The following SLC7A9 variants were observed in gnomAD, a reference collection of about 807,000 sequenced individuals.
SLC7A9 encodes the protein B(0,+)-type amino acid transporter 1.
A neutral mutation model predicts 54.1 loss-of-function variants in SLC7A9; 38 were observed. The observed-to-expected ratio is 0.70, with a 90% CI of 0.54 to 0.92. The LOEUF (loss-of-function observed/expected upper bound fraction) is 0.92. Ranked by LOEUF, SLC7A9 falls within the 40% of genes least tolerant of loss-of-function variation. The pLI is 0.00. For missense variants in SLC7A9, 537 were observed against 636.1 expected, an observed-to-expected ratio of 0.84 and a Z score of 1.68; for synonymous variants, 264 against 258.9, an observed-to-expected ratio of 1.02 and a Z score of -0.19.
At position 32,859,914 on chromosome 19, in the gene SLC7A9, T is replaced by C. The variant is rs767195412; in HGVS notation, c.800A>G (p.Tyr267Cys). 6.2e-7 allele frequency: 1 copy of C among 1,614,142 alleles called. No homozygotes were observed. Residue 267 changes from tyrosine to cysteine, a missense_variant, in exon 8 of 13, where the codon TAC (tyrosine) becomes TGC (cysteine). Physicochemically the swap from Tyr to Cys is radical, Grantham distance 194 (BLOSUM62 -2). Coordinates refer to ENST00000023064, the MANE Select transcript of SLC7A9 (RefSeq NM_014270.5). The stretch of plus-strand genomic sequence containing the variant: ...GAAGTAGGACACGTTCATGAGGATG[T>C]AGCACGCCGTCACCAGGGGGATCCC... ...IIGIPLVTAC[Y>C]ILMNVSYFTV... is the part of the protein sequence containing the mutation.
chr19:32,856,970 G>A (rs543547739), intron 9 of SLC7A9, among the ~76,000 whole-genome samples: 5 of 152,198 alleles, frequency 3.3e-5, no homozygotes, highest in South Asian at 4.1e-4. Flanking sequence ...GGCCAAGATG[G>A]TGAAACTCCG....
Position 32,868,454 on chromosome 19 carries a change from T to C in SLC7A9, c.81A>G (p.Gln27=). Reference sequence around the variant, plus strand: ...CCACCAGAGACCGCCTTACCTCCTTTTGGAGACTGGTGGTCTTAGGCTCTT... The same window carrying C: ...CCACCAGAGACCGCCTTACCTCCTTCTGGAGACTGGTGGTCTTAGGCTCTT... ...QSQEPKTTSL[Q]KELGLISGIS... Residue 27 remains glutamine (Q), a synonymous_variant, in exon 2 of 13, where the codon CAA becomes CAG. Coordinates refer to ENST00000023064, the MANE Select transcript of SLC7A9 (RefSeq NM_014270.5). The C allele has an allele frequency of 6.2e-7, 1 of 1,613,718 alleles. No homozygotes were observed. Among genetic ancestry groups the C allele is most frequent in the Non-Finnish European group, 8.5e-7 (1 of 1,179,720 alleles).
In SLC7A9 at chr19:32,842,202, C is replaced by G; in HGVS notation, c.1190G>C (p.Arg397Thr). 6.2e-7 allele frequency: 1 copy of G among 1,614,160 alleles called. No individual in the cohort carries two copies. The highest frequency in any genetic ancestry group is 8.5e-7 in the Non-Finnish European group (1 of 1,180,040). ...GLTILGLIVM[R>T]FTRKELERPI... ...CCTTTCCAGCTCTTTCCTTGTAAAT[C>G]TCATCACGATGAGTCCTAGAATCGT... is the stretch of plus-strand genomic sequence containing the variant. Residue 397 changes from arginine to threonine, a missense_variant, in exon 11 of 13, where the codon AGA becomes ACA. Arg to Thr is a moderately conservative substitution (Grantham distance 71). Transcript: ENST00000023064.
intron 9 of SLC7A9, among the ~76,000 whole-genome samples, chr19:32,852,131 C>T (rs984156250): frequency 6.6e-6 from 1 of 151,862 alleles, no homozygotes; most frequent in African/African-American, 2.4e-5. Flanking sequence ...ATGTAACAAA[C>T]CTGCACATTG....
intron 11 of SLC7A9, among the ~76,000 whole-genome samples, chr19:32,841,859 G>A (rs934954930): frequency 2.6e-5 from 4 of 152,126 alleles, no homozygotes; most frequent in Admixed American, 2.6e-4. Flanking sequence ...GTGAGCCAAG[G>A]ATGCGCCACT....
intron 2 of SLC7A9, 132 bp downstream of exon 2, chr19:32,868,316 G>T: frequency 1.0e-5 from 7 of 674,330 alleles, no homozygotes; most frequent in Non-Finnish European, 1.9e-5. Flanking sequence ...CTTTAAAGAT[G>T]TACTTCACAA....
chr19:32,858,484 A>C lies in SLC7A9; in HGVS notation c.933T>G (p.Phe311Leu). 1.2e-6 allele frequency: 2 copies of C among 1,613,696 alleles called. No homozygotes were observed. Among genetic ancestry groups the C allele is most frequent in the Non-Finnish European group, 1.7e-6 (2 of 1,180,000 alleles). The change falls in exon 9 of 13, where the codon TTT becomes TTG. Residue 311 changes from phenylalanine (F) to leucine (L), a missense_variant. Coordinates refer to ENST00000023064, the MANE Select transcript of SLC7A9 (RefSeq NM_014270.5). ...TCCCGTTAGCAGCACCGATGGTTGA[A>C]AATGCCACAAAAAGTGGAACGATCC... ...ASWIVPLFVAFSTIGAANGTC... is the reference protein window; with the variant it reads ...ASWIVPLFVALSTIGAANGTC...
In SLC7A9 at chr19:32,862,299, T is replaced by G. The variant is rs190898451; in HGVS notation, c.605-82A>C. 6.2e-5 allele frequency: 89 copies of G among 1,440,088 alleles called. 1 individual carries two copies. In the East Asian group the frequency reaches 1.8e-3, roughly 29 times the overall value. 89.2% of individuals were successfully genotyped at this position (1,440,088 alleles called of 1,614,324 possible). On this transcript the variant is annotated intron_variant, in intron 5 of 12. Transcript: ENST00000023064. ...TCTCCACGGGAAAGATGGGCATGAT[T>G]GTGACCCCAGCTTAATAAACACGCC...
intron 2 of SLC7A9, among the ~76,000 whole-genome samples, chr19:32,865,271 C>T (rs1599689564): frequency 6.6e-6 from 1 of 152,326 alleles, no homozygotes; most frequent in African/African-American, 2.4e-5. Context: ...GCACTCTGAA[C>T]TTTCTGTGGT....
chr19:32,838,083 C>A lies in SLC7A9; in HGVS notation c.1224+4085G>T, dbSNP rs150127095. Reference sequence around the variant, plus strand: ...GGTGAGGACGCCGTGCCTGCCTGCACCTCACAGAAGCCAAGCGGCCCTTCT... The same window carrying A: ...GGTGAGGACGCCGTGCCTGCCTGCAACTCACAGAAGCCAAGCGGCCCTTCT... On this transcript the variant is annotated intron_variant, in intron 11 of 12. Coordinates refer to ENST00000023064, the MANE Select transcript of SLC7A9 (RefSeq NM_014270.5). 9.3e-3 allele frequency among the ~76,000 whole-genome samples: 1,409 copies of A among 152,256 alleles called. 27 individuals carry two copies. Among genetic ancestry groups the A allele is most frequent in the African/African-American group, 0.032 (1,347 of 41,540 alleles).
rs2145853320 is a variant in SLC7A9 at position 32,868,478 on chromosome 19, T to C, written c.57A>G (p.Gln19=). ...RREDEKSIQS[Q]EPKTTSLQKE... ...TTTGGAGACTGGTGGTCTTAGGCTC[T>C]TGGCTCTGGATCGACTTCTCATCCT... Residue 19 remains glutamine, a synonymous_variant, in exon 2 of 13, where the codon CAA becomes CAG. Coordinates refer to ENST00000023064, the MANE Select transcript of SLC7A9 (RefSeq NM_014270.5). 3 of 1,614,138 alleles carry C rather than the reference T, an allele frequency of 1.9e-6. No individual in the cohort carries two copies. Among genetic ancestry groups the C allele is most frequent in the Non-Finnish European group, 2.5e-6 (3 of 1,180,012 alleles).
At chr19:32,862,277 C>T in intron 5 of SLC7A9, 60 bp from the exon 6 acceptor site, 1 of 1,473,412 alleles carries the variant, frequency 6.8e-7, no homozygotes, top group Non-Finnish European at 9.5e-7. Context: ...GAGTGTATCT[C>T]CACGGGAAAG....
At chr19:32,853,259 CAG>C (rs771158771) in intron 9 of SLC7A9, among the ~76,000 whole-genome samples, 10 of 152,046 alleles carry the variant, frequency 6.6e-5, no homozygotes, top group Non-Finnish European at 1.5e-4. Context: ...GTTATAGAGA[CAG>C]AAGTAGATTA....
chr19:32,862,249 G>A (rs770109347), intron 5 of SLC7A9, 32 bp from the exon 6 acceptor site: 16 of 1,559,288 alleles, frequency 1.0e-5, no homozygotes, highest in Non-Finnish European at 1.3e-5. Context: ...AACGGCGGGT[G>A]TCAACCGGGC....
At chr19:32,834,101 G>A (rs961772359) in intron 11 of SLC7A9, among the ~76,000 whole-genome samples, 1 of 152,096 alleles carries the variant, frequency 6.6e-6, no homozygotes, top group Non-Finnish European at 1.5e-5. Flanking sequence ...GTTTCAACCC[G>A]TTGTAGTCAT....
At chr19:32,844,358 A>G (rs192711681) in intron 9 of SLC7A9, among the ~76,000 whole-genome samples, 10 of 152,290 alleles carry the variant, frequency 6.6e-5, no homozygotes, top group Admixed American at 3.9e-4. Context: ...CTGAAGCTAC[A>G]TATTAATATT....
intron 2 of SLC7A9, among the ~76,000 whole-genome samples, chr19:32,867,107 G>T (rs1968994045): frequency 6.6e-6 from 1 of 152,206 alleles, no homozygotes; most frequent in African/African-American, 2.4e-5. Flanking sequence ...CCTGGTAGAT[G>T]CCTCTAAGAC....
Position 32,859,165 on chromosome 19 carries a change from T to C in SLC7A9, c.874-622A>G, listed in dbSNP as rs186394729. 1.6e-3 allele frequency among the ~76,000 whole-genome samples: 239 copies of C among 152,146 alleles called. 1 individual carries two copies. The highest frequency in any genetic ancestry group is 6.7e-3 in the South Asian group (32 of 4,810). On this transcript the variant is annotated intron_variant, in intron 8 of 12. Transcript: ENST00000023064. Reference sequence around the variant, plus strand: ...CCCAGGCTGGAGTGTAGTGGCGTGATCACGTCTCACTGTAGCCTCAATCTC... The same window carrying C: ...CCCAGGCTGGAGTGTAGTGGCGTGACCACGTCTCACTGTAGCCTCAATCTC...
chr19:32,838,885 T>C (rs1336825864), intron 11 of SLC7A9, among the ~76,000 whole-genome samples: 1 of 150,992 alleles, frequency 6.6e-6, no homozygotes, highest in Admixed American at 6.6e-5. Context: ...TTATGTATAA[T>C]GCCCTTAGTC....
Sources: gnomAD v4.1 joint callset for allele counts (sites outside exome capture counted in the v4.1 genomes callset) on GRCh38, gnomAD v4.1.1 for gene constraint, MANE v1.5 for transcripts, NCBI Gene and HGNC (gene_info 2026-07-23, HGNC 2026-07-21) for gene names.